TNIK: variants seen among roughly 807,000 people sequenced by gnomAD.
The protein encoded by TNIK is TRAF2 and NCK-interacting protein kinase.
In TNIK, 49 loss-of-function variants were observed where a neutral mutation model predicts 191.3. The ratio of observed to expected loss-of-function variants is 0.26; its 90% confidence interval spans 0.20 to 0.32. The LOEUF is 0.32. Ranked by LOEUF, TNIK falls within the 10% of genes least tolerant of loss-of-function variation. The pLI is 1.00. For missense variants in TNIK, 1,155 were observed against 1,702.3 expected (o/e 0.68, Z 5.66); for synonymous variants, 594 against 600.9 (o/e 0.99, Z 0.17).
At chr3:171,173,361 A>G (rs1045725754) in intron 9 of TNIK, among the ~76,000 whole-genome samples, 1 of 150,270 alleles carries the variant, frequency 6.7e-6, no homozygotes, top group Admixed American at 6.7e-5. Context: ...GTGCCACTGC[A>G]CTCCAGCCTG....
chr3:171,141,580 T>C (rs1043149448), intron 12 of TNIK, among the ~76,000 whole-genome samples: 13 of 152,282 alleles, frequency 8.5e-5, no homozygotes, highest in Admixed American at 1.3e-4. Flanking sequence ...TCTAAGGACA[T>C]GTGAGGAGTA....
chr3:171,121,574 T>C lies in TNIK; in HGVS notation c.2120+2022A>G, dbSNP rs149673727. ...AGGTACAGCAGAACCATCTGCTCAG[T>C]GCAACTGCACGAGTGAGCCCAGGCG... On this transcript the variant is annotated intron_variant, in intron 18 of 32. Transcript: ENST00000436636. Among the ~76,000 whole-genome samples, 629 of 152,332 alleles carry C rather than the reference T, an allele frequency of 4.1e-3. 5 individuals carry two copies. Among genetic ancestry groups the C allele is most frequent in the African/African-American group, 0.014 (587 of 41,582 alleles).
chr3:171,393,571 G>C (rs1409009794), intron 1 of TNIK, among the ~76,000 whole-genome samples: 2 of 152,136 alleles, frequency 1.3e-5, no homozygotes, highest in Non-Finnish European at 2.9e-5. Context: ...TTCACTATTA[G>C]GCCTGAAATC....
chr3:171,340,052 G>C (rs1405545699), intron 2 of TNIK, among the ~76,000 whole-genome samples: 2 of 152,094 alleles, frequency 1.3e-5, no homozygotes, highest in African/African-American at 2.4e-5. Context: ...TCATGTAAAG[G>C]ACAGTAGATA....
At chr3:171,343,466 C>T (rs1711630801) in intron 2 of TNIK, among the ~76,000 whole-genome samples, 1 of 152,166 alleles carries the variant, frequency 6.6e-6, no homozygotes, top group Admixed American at 6.5e-5. Context: ...GAAAGAGAAG[C>T]CTGAAGGATC....
At chr3:171,276,920 G>C (rs1749816108) in intron 2 of TNIK, among the ~76,000 whole-genome samples, 1 of 152,194 alleles carries the variant, frequency 6.6e-6, no homozygotes, top group Non-Finnish European at 1.5e-5. Flanking sequence ...ATCTATTTTA[G>C]CAGAAAGTCT....
chr3:171,324,564 C>T (rs981886179), intron 2 of TNIK, among the ~76,000 whole-genome samples: 1 of 152,092 alleles, frequency 6.6e-6, no homozygotes, highest in Non-Finnish European at 1.5e-5. Flanking sequence ...TGTTCTTGTT[C>T]ATCTAATTGT....
chr3:171,066,406 C>G, intron 31 of TNIK, 80 bp from the exon 32 acceptor site: 1 of 1,537,638 alleles, frequency 6.5e-7, no homozygotes, highest in East Asian at 2.4e-5. Context: ...ATCTTAACCA[C>G]AAAAATGACA....
intron 2 of TNIK, among the ~76,000 whole-genome samples, chr3:171,284,335 T>C (rs878960360): frequency 6.6e-6 from 1 of 152,314 alleles, no homozygotes; most frequent in Admixed American, 6.5e-5. Context: ...CCCAATTTTT[T>C]AATTTAGTAG....
intron 9 of TNIK, 24 bp downstream of exon 9, chr3:171,175,228 C>A (rs193191967): frequency 1.2e-6 from 2 of 1,605,730 alleles, no homozygotes; most frequent in South Asian, 1.1e-5. Flanking sequence ...CTTAGATCTG[C>A]GAAACATCGA....
chr3:171,429,771 T>C (rs1725125900), intron 1 of TNIK, among the ~76,000 whole-genome samples: 2 of 152,144 alleles, frequency 1.3e-5, no homozygotes, highest in African/African-American at 4.8e-5. Flanking sequence ...TCTTCTCTAC[T>C]CTATGTTAAT....
rs1729281361 is a variant in TNIK at position 171,460,019 on chromosome 3, G to C, written c.45C>G (p.Leu15=). The C allele has an allele frequency of 2.5e-6, 4 of 1,609,328 alleles. No homozygotes were observed. The highest frequency in any genetic ancestry group is 1.1e-5 in the South Asian group (1 of 89,722). The change falls in exon 1 of 33, where the codon CTC becomes CTG. Residue 15 remains leucine, a synonymous_variant. Coordinates refer to ENST00000436636, the MANE Select transcript of TNIK (RefSeq NM_015028.4). This position sits in a 1 kb window ranked among gnomAD's most constrained non-coding sequence, Gnocchi z 6.8. The part of the protein sequence containing the change: ...SPARSLDEID[L]SALRDPAGIF... ...ACGTCCTGCTCACCCTCAGAGCCGAGAGATCTATTTCATCCAGGCTTCGAG... is the reference window on the plus strand; with the variant it reads ...ACGTCCTGCTCACCCTCAGAGCCGACAGATCTATTTCATCCAGGCTTCGAG...
At position 171,460,285 on chromosome 3, in the gene TNIK, G is replaced by A. The variant is rs1421092333; in HGVS notation, c.-222C>T. 1 of 609,094 alleles carries A rather than the reference G, an allele frequency of 1.6e-6. No individual in the cohort carries two copies. The highest frequency in any genetic ancestry group is 2.9e-6 in the Non-Finnish European group (1 of 348,522). 37.7% of individuals were successfully genotyped at this position (609,094 alleles called of 1,614,324 possible). On this transcript the variant is annotated 5_prime_UTR_variant, in exon 1 of 33. Transcript: ENST00000436636. This position sits in a 1 kb window ranked among gnomAD's most constrained non-coding sequence, Gnocchi z 6.8. ...CAGCCTGCGCGGATCTCCAAGCCCC[G>A]AGCAGCGGTGCGTGTGGGCTGAGCG... is the stretch of plus-strand genomic sequence containing the variant.
intron 2 of TNIK, among the ~76,000 whole-genome samples, chr3:171,265,985 A>G (rs564385664): frequency 2.0e-5 from 3 of 152,322 alleles, no homozygotes; most frequent in South Asian, 4.1e-4. Context: ...CCTCCAATTC[A>G]GATACATGAC....
At chr3:171,259,137 T>C (rs1747273588) in intron 2 of TNIK, among the ~76,000 whole-genome samples, 1 of 152,174 alleles carries the variant, frequency 6.6e-6, no homozygotes, top group Non-Finnish European at 1.5e-5. Flanking sequence ...AGAGAGAGTG[T>C]ATGTGTGTGT....
At chr3:171,254,470 C>T (rs1301078159) in intron 2 of TNIK, among the ~76,000 whole-genome samples, 1 of 152,174 alleles carries the variant, frequency 6.6e-6, no homozygotes, top group East Asian at 1.9e-4. Flanking sequence ...CAAATATAAA[C>T]CCAGATTTCC....
At chr3:171,332,420 T>G (rs1157294374) in intron 2 of TNIK, among the ~76,000 whole-genome samples, 1 of 152,240 alleles carries the variant, frequency 6.6e-6, no homozygotes, top group East Asian at 1.9e-4. Flanking sequence ...TAGCCAAACT[T>G]CTTTCCAGAA....
At chr3:171,174,917 T>C (rs941390549) in intron 9 of TNIK, among the ~76,000 whole-genome samples, 1 of 152,084 alleles carries the variant, frequency 6.6e-6, no homozygotes, top group African/African-American at 2.4e-5. Context: ...CTCTCTAAAC[T>C]ATCACCCTCT....
intron 2 of TNIK, among the ~76,000 whole-genome samples, chr3:171,294,495 TG>T (rs1284076583): frequency 6.6e-6 from 1 of 151,880 alleles, no homozygotes; most frequent in Non-Finnish European, 1.5e-5. Flanking sequence ...CTGAGGTGGG[TG>T]GATCTCTTGA....
Sources: allele counts gnomAD v4.1 joint callset (sites outside exome capture counted in the v4.1 genomes callset), GRCh38; gene constraint gnomAD v4.1.1; non-coding constraint Gnocchi (gnomAD v3.1); transcripts MANE v1.5; gene names NCBI Gene and HGNC (gene_info 2026-07-23, HGNC 2026-07-21).